The following FOXN3 variants were observed in gnomAD, a reference collection of about 807,000 sequenced individuals.
FOXN3 encodes forkhead box protein N3.
Under a neutral mutation model 38.4 loss-of-function variants are expected in FOXN3, and 7 were observed. The ratio of observed to expected loss-of-function variants is 0.18; its 90% CI spans 0.10 to 0.34. The LOEUF is 0.34. Among genes scored for constraint, FOXN3 ranks in the 10% least tolerant of loss-of-function variants. FOXN3 has a pLI of 1.00. For missense variants in FOXN3, 456 were observed against 613.4 expected, an observed-to-expected ratio of 0.74 and a Z score of 2.71; for synonymous variants, 230 against 242.2, an observed-to-expected ratio of 0.95 and a Z score of 0.47.
At chr14:89,549,356 G>A (rs910386615) in intron 1 of FOXN3, among the ~76,000 whole-genome samples, 2 of 151,618 alleles carry the variant, frequency 1.3e-5, no homozygotes, top group Non-Finnish European at 2.9e-5. Flanking sequence ...GCTAATTCAG[G>A]CAACAAAAAC....
chr14:89,423,286 G>C (rs943215786), intron 1 of FOXN3, among the ~76,000 whole-genome samples: 6 of 152,204 alleles, frequency 3.9e-5, no homozygotes, highest in Non-Finnish European at 4.4e-5. Flanking sequence ...CTCAGTCAAG[G>C]TTCTTAACTT....
intron 1 of FOXN3, among the ~76,000 whole-genome samples, chr14:89,429,764 T>C (rs1413233780): frequency 6.6e-6 from 1 of 152,120 alleles, no homozygotes; most frequent in East Asian, 1.9e-4. Context: ...ACCACAAAAC[T>C]CATTTAAAGT....
intron 1 of FOXN3, among the ~76,000 whole-genome samples, chr14:89,472,491 C>T (rs1198852595): frequency 2.0e-5 from 3 of 151,944 alleles, no homozygotes; most frequent in African/African-American, 4.8e-5. Flanking sequence ...GAGGCCAAGG[C>T]GGGCAGATCA....
intron 1 of FOXN3, among the ~76,000 whole-genome samples, chr14:89,456,129 G>T (rs1892717438): frequency 6.6e-6 from 1 of 151,050 alleles, no homozygotes; most frequent in Admixed American, 6.6e-5. Flanking sequence ...GGGAGGCGGA[G>T]GTAGCCGTGA....
In FOXN3 at chr14:89,556,890, G is replaced by A. The variant is rs983687846; in HGVS notation, c.-15+62138C>T. Among the ~76,000 whole-genome samples the A allele has an allele frequency of 3.9e-5, 6 of 152,286 alleles. No homozygotes were observed. The East Asian group carries it at 1.2e-3, about 29-fold the overall frequency. Reference sequence around the variant, plus strand: ...TTCTGCTCTGCATTGTGGAGTGACAGAGCAAGGAAGCCAAAGGTATGGATG... The same window carrying A: ...TTCTGCTCTGCATTGTGGAGTGACAAAGCAAGGAAGCCAAAGGTATGGATG... On this transcript the variant is annotated intron_variant, in intron 1 of 6. Coordinates refer to the FOXN3 transcript ENST00000345097.
rs528459142 is a variant in FOXN3, at chr14:89,291,513, G to A, written c.681-10499C>T. On this transcript the variant is annotated intron_variant, in intron 3 of 5. Transcript: ENST00000557258. ...TTGCTTACCCCGCCATCCCCAGGGG[G>A]CCTGTGGGACTCTGCAGACAGCGAC... 1.7e-3 allele frequency: 992 copies of A among 590,784 alleles called. 2 individuals are homozygous for A. The highest frequency in any genetic ancestry group is 3.3e-3 in the Admixed American group (176 of 53,562). 36.6% of individuals were successfully genotyped at this position (590,784 alleles called of 1,614,324 possible). A position where few individuals can be genotyped will look rare whatever the true frequency, so the allele number is the denominator to read the frequency against.
chr14:89,534,100 C>CTTTTT (rs79800046), intron 1 of FOXN3, among the ~76,000 whole-genome samples: 28 of 113,816 alleles, frequency 2.5e-4, no homozygotes, highest in African/African-American at 3.7e-4. Context: ...ATTATACATT[C>CTTTTT]TTTTTTTTTT....
intron 4 of FOXN3, among the ~76,000 whole-genome samples, chr14:89,220,164 A>G (rs1884420147): frequency 6.6e-6 from 1 of 152,120 alleles, no homozygotes; most frequent in South Asian, 2.1e-4. Flanking sequence ...GAGAAGCCAC[A>G]TGCTTTGGAT....
At chr14:89,313,511 TC>T (rs1887629905) in intron 3 of FOXN3, among the ~76,000 whole-genome samples, 1 of 150,558 alleles carries the variant, frequency 6.6e-6, no homozygotes, top group African/African-American at 2.5e-5. Context: ...TGAGCCGAGA[TC>T]ATGGCACTGC....
At chr14:89,291,274 C>A in intron 3 of FOXN3, 1 of 449,186 alleles carries the variant, frequency 2.2e-6, no homozygotes, top group South Asian at 1.8e-5. Flanking sequence ...ACTTCTGAAT[C>A]TTTTCTGATT....
chr14:89,248,989 C>T (rs943044317), intron 4 of FOXN3, among the ~76,000 whole-genome samples: 2 of 152,214 alleles, frequency 1.3e-5, no homozygotes, highest in African/African-American at 4.8e-5. Flanking sequence ...ATTATACCCT[C>T]CACGTATACA....
intron 2 of FOXN3, among the ~76,000 whole-genome samples, chr14:89,370,801 G>A (rs78648682): frequency 0.026 from 3,995 of 152,290 alleles, 144 homozygotes; most frequent in African/African-American, 0.087. Context: ...TGCATGGCCC[G>A]TAGGGTCCAT....
At chr14:89,462,974 G>A (rs940350274) in intron 1 of FOXN3, among the ~76,000 whole-genome samples, 4 of 150,796 alleles carry the variant, frequency 2.7e-5, no homozygotes, top group South Asian at 2.1e-4. Context: ...GTGAGCCATC[G>A]CACCCAGCCC....
intron 1 of FOXN3, among the ~76,000 whole-genome samples, chr14:89,459,561 G>A (rs899645327): frequency 3.3e-5 from 5 of 152,124 alleles, no homozygotes; most frequent in Non-Finnish European, 7.3e-5. Context: ...ACTCAGCCCC[G>A]TCTAGGCAGC....
At chr14:89,203,287 C>T (rs1888282094) in intron 4 of FOXN3, among the ~76,000 whole-genome samples, 1 of 152,160 alleles carries the variant, frequency 6.6e-6, no homozygotes, top group Non-Finnish European at 1.5e-5. Flanking sequence ...CTCTTTATGC[C>T]TGCACCACAG....
chr14:89,436,326 A>C (rs1334133036), intron 1 of FOXN3, among the ~76,000 whole-genome samples: 1 of 152,002 alleles, frequency 6.6e-6, no homozygotes, highest in African/African-American at 2.4e-5. Flanking sequence ...AAAGAAAATA[A>C]AATCTACAAG....
chr14:89,433,718 CG>C (rs1324262462), intron 1 of FOXN3, among the ~76,000 whole-genome samples: 1 of 149,886 alleles, frequency 6.7e-6, no homozygotes, highest in East Asian at 2.1e-4. Flanking sequence ...GCAGTAGAAT[CG>C]CTTGAATCCA....
chr14:89,328,360 G>C (rs1425159401), intron 3 of FOXN3, among the ~76,000 whole-genome samples: 1 of 147,254 alleles, frequency 6.8e-6, no homozygotes, highest in African/African-American at 2.5e-5. Flanking sequence ...GATGAATGGG[G>C]GAAGAGACAT....
At chr14:89,558,990 C>A (rs535858770) in intron 1 of FOXN3, among the ~76,000 whole-genome samples, 4 of 152,178 alleles carry the variant, frequency 2.6e-5, no homozygotes, top group African/African-American at 9.7e-5. Context: ...CTGGAACGCA[C>A]AGCGCTGCCA....
Sources: gnomAD v4.1 joint callset for allele counts (sites outside exome capture counted in the v4.1 genomes callset) on GRCh38, gnomAD v4.1.1 for gene constraint, MANE v1.5 for transcripts, NCBI Gene and HGNC (gene_info 2026-07-23, HGNC 2026-07-21) for gene names.